FHIP1A: variants seen among roughly 807,000 people sequenced by gnomAD.
FHIP1A encodes FHF complex subunit HOOK-interacting protein 1A.
A neutral mutation model predicts 88.6 loss-of-function variants in FHIP1A; 61 were observed. The ratio of observed to expected loss-of-function variants is 0.69; its 90% CI spans 0.56 to 0.85. FHIP1A has a LOEUF of 0.85. Ranked by LOEUF, FHIP1A falls within the 40% of genes least tolerant of loss-of-function variation. The pLI is 0.00. For missense variants in FHIP1A, 1,154 were observed against 1,273.5 expected (o/e 0.91, Z 1.43); for synonymous variants, 478 against 496.0 (o/e 0.96, Z 0.48).
At chr4:151,485,023 A>G (rs1730027054) in intron 3 of FHIP1A, among the ~76,000 whole-genome samples, 1 of 152,192 alleles carries the variant, frequency 6.6e-6, no homozygotes. Flanking sequence ...TCTAGCCCCA[A>G]AACTGTTTTA....
At position 151,412,584 on chromosome 4, in the gene FHIP1A, T is replaced by TTTCCTTCCTTCC. The variant is rs1193555902; in HGVS notation, c.-356+3137_-356+3148dup. ...TTTCTTTCTTTCTTTCTTTCCTTTC[T>TTTCCTTCCTTCC]TTCCTTCCTTCCTTCCTTCCTTCCT... On this transcript the variant is annotated intron_variant, in intron 1 of 13. Transcript: ENST00000435205. 2.2e-3 allele frequency among the ~76,000 whole-genome samples: 254 copies of TTTCCTTCCTTCC among 115,230 alleles called. 2 individuals carry two copies. The highest frequency in any genetic ancestry group is 8.6e-3 in the African/African-American group (235 of 27,292). 75.6% of individuals were successfully genotyped at this position (115,230 alleles called of 152,430 possible).
At position 151,669,449 on chromosome 4, in the gene FHIP1A, C is replaced by A. The variant is rs1198545909; in HGVS notation, c.*6695C>A. Among the ~76,000 whole-genome samples the A allele has an allele frequency of 2.0e-5, 3 of 152,178 alleles. No individual in the cohort carries two copies. The highest frequency in any genetic ancestry group is 7.2e-5 in the African/African-American group (3 of 41,446). ...TTAATTTTAAATGGTCTGGAAAGATCTTCGATGCTTTCTGTAAGGTTTAGT... is the reference window on the plus strand; with the variant it reads ...TTAATTTTAAATGGTCTGGAAAGATATTCGATGCTTTCTGTAAGGTTTAGT... On this transcript the variant is annotated 3_prime_UTR_variant, in exon 14 of 14. Transcript: ENST00000435205.
intron 2 of FHIP1A, among the ~76,000 whole-genome samples, chr4:151,464,351 A>G (rs138215148): frequency 2.0e-5 from 3 of 152,292 alleles, no homozygotes; most frequent in African/African-American, 7.2e-5. Context: ...AATTTATCCC[A>G]ATATGTAAGT....
intron 3 of FHIP1A, among the ~76,000 whole-genome samples, chr4:151,516,508 A>G (rs1040626882): frequency 6.6e-6 from 1 of 152,176 alleles, no homozygotes; most frequent in African/African-American, 2.4e-5. Context: ...ATCAGAGTGA[A>G]CAGGCAACCT....
At chr4:151,543,553 C>G (rs1472617880) in intron 3 of FHIP1A, among the ~76,000 whole-genome samples, 1 of 152,190 alleles carries the variant, frequency 6.6e-6, no homozygotes, top group African/African-American at 2.4e-5. Context: ...CTACTATTCA[C>G]AGGTTATCTG....
intron 1 of FHIP1A, among the ~76,000 whole-genome samples, chr4:151,444,880 C>G (rs941660840): frequency 6.6e-6 from 1 of 152,126 alleles, no homozygotes; most frequent in African/African-American, 2.4e-5. Flanking sequence ...ACTTCTGATA[C>G]AAAATGTGTG....
At chr4:151,638,907 G>A (rs1736467524) in intron 9 of FHIP1A, among the ~76,000 whole-genome samples, 151 bp downstream of exon 9, 1 of 152,006 alleles carries the variant, frequency 6.6e-6, no homozygotes, top group Non-Finnish European at 1.5e-5. Context: ...AAATTATCAC[G>A]AACATTAATT....
At chr4:151,598,462 G>A (rs1016401663) in intron 7 of FHIP1A, among the ~76,000 whole-genome samples, 2 of 152,228 alleles carry the variant, frequency 1.3e-5, no homozygotes, top group East Asian at 3.9e-4. Context: ...CTGCAGACTG[G>A]AGTAGTTCCT....
chr4:151,638,758 T>C lies in FHIP1A; in HGVS notation c.1226+2T>C, dbSNP rs1736461323. 3 of 1,530,464 alleles carry C rather than the reference T, an allele frequency of 2.0e-6. No individual in the cohort carries two copies. The highest frequency in any genetic ancestry group is 2.6e-6 in the Non-Finnish European group (3 of 1,132,544). 94.8% of individuals were successfully genotyped at this position (1,530,464 alleles called of 1,614,324 possible). ...TGTGATGTTACAGCTAGTTCTAAGG[T>C]GAGTTGCCTTTTTTGTTTCCTTTAA... On this transcript the variant is annotated splice_donor_variant, in intron 9 of 13. Transcript: ENST00000435205. LOFTEE classifies it high-confidence loss of function.
At chr4:151,567,113 G>A (rs1320521315) in intron 4 of FHIP1A, among the ~76,000 whole-genome samples, 1 of 152,108 alleles carries the variant, frequency 6.6e-6, no homozygotes, top group Non-Finnish European at 1.5e-5. Flanking sequence ...TCTGCTGTGT[G>A]GATAATTAAG....
chr4:151,649,642 T>A lies in FHIP1A; in HGVS notation c.1601T>A (p.Met534Lys), dbSNP rs778886880. Reference sequence around the variant, plus strand: ...GATGGCGACTCCCCCGACCCTGAGATGTTTCTCCAGAGTCTGACGGAGGAG... The same window carrying A: ...GATGGCGACTCCCCCGACCCTGAGAAGTTTCTCCAGAGTCTGACGGAGGAG... ...LYDGDSPDPE[M>K]FLQSLTEEGS... Residue 534 changes from methionine to lysine, a missense_variant, in exon 11 of 14, where the codon ATG (methionine) becomes AAG (lysine). Physicochemically the swap from Met to Lys is moderately conservative, Grantham distance 95 (BLOSUM62 -1). Transcript: ENST00000435205. 1.6e-5 allele frequency: 25 copies of A among 1,551,518 alleles called. No homozygotes were observed. The South Asian group carries it at 2.9e-4, about 18-fold the overall frequency.
chr4:151,491,364 A>C (rs538855099), intron 3 of FHIP1A, among the ~76,000 whole-genome samples: 33 of 152,304 alleles, frequency 2.2e-4, no homozygotes, highest in African/African-American at 6.0e-4. Context: ...AATAATCATC[A>C]TCCAAGAATT....
At chr4:151,488,783 G>A (rs1730174150) in intron 3 of FHIP1A, among the ~76,000 whole-genome samples, 1 of 152,088 alleles carries the variant, frequency 6.6e-6, no homozygotes, top group African/African-American at 2.4e-5. Flanking sequence ...TTATTTCTGT[G>A]CGTCTATCAC....
At chr4:151,466,739 C>T (rs1412373798) in intron 2 of FHIP1A, among the ~76,000 whole-genome samples, 2 of 152,144 alleles carry the variant, frequency 1.3e-5, no homozygotes, top group Non-Finnish European at 2.9e-5. Flanking sequence ...GAAAAGATCC[C>T]CTACTTAATA....
intron 3 of FHIP1A, among the ~76,000 whole-genome samples, chr4:151,523,005 C>T (rs1334756786): frequency 6.6e-6 from 1 of 152,198 alleles, no homozygotes; most frequent in Non-Finnish European, 1.5e-5. Flanking sequence ...CATTTATACA[C>T]TGTCACTGTA....
chr4:151,549,481 ACT>A (rs1231649281), intron 3 of FHIP1A, among the ~76,000 whole-genome samples: 1 of 134,796 alleles, frequency 7.4e-6, no homozygotes, highest in Non-Finnish European at 1.6e-5. Flanking sequence ...AGAGAGTGAG[ACT>A]CTGTCTAAAA....
intron 3 of FHIP1A, among the ~76,000 whole-genome samples, chr4:151,543,259 A>G (rs1580688453): frequency 6.6e-6 from 1 of 152,176 alleles, no homozygotes; most frequent in Non-Finnish European, 1.5e-5. Context: ...TGTGCTCTTA[A>G]GCACTGTACT....
chr4:151,650,709 G>T, intron 11 of FHIP1A, 117 bp downstream of exon 11: 3 of 1,319,606 alleles, frequency 2.3e-6, no homozygotes, highest in Non-Finnish European at 2.0e-6. Context: ...ACAGAGGGCT[G>T]CAAATATTTT....
At chr4:151,661,404 A>AGTT (rs1438186505) in intron 13 of FHIP1A, among the ~76,000 whole-genome samples, 4 of 143,558 alleles carry the variant, frequency 2.8e-5, no homozygotes, top group African/African-American at 1.1e-4. Flanking sequence ...GTCAAGTGGA[A>AGTT]GTTGTTTTTT....
Sources: gnomAD v4.1 joint callset for allele counts (sites outside exome capture counted in the v4.1 genomes callset) on GRCh38, gnomAD v4.1.1 for gene constraint, MANE v1.5 for transcripts, NCBI Gene and HGNC (gene_info 2026-07-23, HGNC 2026-07-21) for gene names.